Variants in VGLL4 observed in about 807,000 individuals in gnomAD.
VGLL4 encodes the protein transcription cofactor vestigial-like protein 4.
In VGLL4, 7 loss-of-function variants were observed where a neutral mutation model predicts 21.0. The observed-to-expected ratio is 0.33, with a 90% confidence interval of 0.19 to 0.63. VGLL4 has a LOEUF of 0.63. Among genes scored for constraint, VGLL4 ranks in the 20% least tolerant of loss-of-function variants. The pLI is 0.78. For synonymous variants in VGLL4, 222 were observed against 173.2 expected (o/e 1.28, Z -2.21); for missense variants, 394 against 425.7 (o/e 0.93, Z 0.66).
intron 2 of VGLL4, among the ~76,000 whole-genome samples, chr3:11,677,665 G>C (rs1006291431): frequency 3.9e-5 from 6 of 152,050 alleles, no homozygotes; most frequent in African/African-American, 1.4e-4. Context: ...GTTAGGCCAG[G>C]CACAGTGGCT....
intron 2 of VGLL4, chr3:11,582,360 C>G (rs1333758200): frequency 6.4e-7 from 1 of 1,574,778 alleles, no homozygotes; most frequent in Non-Finnish European, 8.6e-7. Flanking sequence ...GCCTCACAAA[C>G]TTGGCAAGCA....
intron 2 of VGLL4, among the ~76,000 whole-genome samples, chr3:11,683,171 G>A (rs954087544): frequency 6.6e-6 from 1 of 151,674 alleles, no homozygotes; most frequent in Non-Finnish European, 1.5e-5. Context: ...AGGTTGCAGT[G>A]AGCCGAGATC....
chr3:11,627,022 A>ACTAGT (rs2075363166), intron 1 of VGLL4, among the ~76,000 whole-genome samples: 3 of 152,110 alleles, frequency 2.0e-5, no homozygotes, highest in African/African-American at 7.2e-5. Context: ...TTATCACTTA[A>ACTAGT]ATGTAGTCAT....
chr3:11,567,309 C>G (rs1400401458), intron 2 of VGLL4, among the ~76,000 whole-genome samples: 2 of 152,172 alleles, frequency 1.3e-5, no homozygotes, highest in Non-Finnish European at 2.9e-5. Flanking sequence ...CAAGAGAACC[C>G]TGTCAGCCCT....
chr3:11,680,861 A>C (rs1406132257), intron 2 of VGLL4, among the ~76,000 whole-genome samples: 1 of 152,176 alleles, frequency 6.6e-6, no homozygotes, highest in African/African-American at 2.4e-5. Flanking sequence ...TTAGTATGGC[A>C]CCTGGTGTGG....
chr3:11,601,061 G>A (rs568438286), intron 2 of VGLL4, among the ~76,000 whole-genome samples: 2 of 152,316 alleles, frequency 1.3e-5, no homozygotes, highest in Admixed American at 6.5e-5. Context: ...CGAGGAGGGT[G>A]TGTGCCGAGA....
intron 1 of VGLL4, among the ~76,000 whole-genome samples, chr3:11,638,932 T>C (rs1247509038): frequency 2.0e-5 from 3 of 152,188 alleles, no homozygotes; most frequent in Non-Finnish European, 2.9e-5. Context: ...AAGTTGCCCG[T>C]GATGAAACAA....
chr3:11,680,164 C>T (rs1373820225), intron 2 of VGLL4, among the ~76,000 whole-genome samples: 1 of 152,228 alleles, frequency 6.6e-6, no homozygotes, highest in Non-Finnish European at 1.5e-5. Flanking sequence ...TGATCCCACA[C>T]AGCCTAGGTG....
At chr3:11,573,398 A>G (rs2073936257) in intron 2 of VGLL4, among the ~76,000 whole-genome samples, 1 of 150,618 alleles carries the variant, frequency 6.6e-6, no homozygotes, top group Non-Finnish European at 1.5e-5. Context: ...AAAGAAAGAA[A>G]ATGGCCCCAT....
At chr3:11,649,301 A>G (rs2075835689) in intron 2 of VGLL4, among the ~76,000 whole-genome samples, 1 of 152,148 alleles carries the variant, frequency 6.6e-6, no homozygotes, top group South Asian at 2.1e-4. Context: ...TTATTCACCA[A>G]CTGTGCTAAT....
At chr3:11,562,167 G>A (rs1200401366) in intron 3 of VGLL4, among the ~76,000 whole-genome samples, 1 of 152,130 alleles carries the variant, frequency 6.6e-6, no homozygotes, top group Non-Finnish European at 1.5e-5. Flanking sequence ...AAAGGGCTGG[G>A]ATTACAGGTG....
At chr3:11,618,260 G>A (rs920868137) in intron 1 of VGLL4, among the ~76,000 whole-genome samples, 3 of 152,080 alleles carry the variant, frequency 2.0e-5, no homozygotes, top group Non-Finnish European at 4.4e-5. Flanking sequence ...ATTCTGGAGT[G>A]CTTTTACAGA....
At chr3:11,611,562 G>C (rs931866938) in intron 1 of VGLL4, 3 of 152,222 alleles carry the variant, frequency 2.0e-5, no homozygotes, top group Non-Finnish European at 4.4e-5. Context: ...AAGAAGAGAG[G>C]ACGGGACTGA....
intron 2 of VGLL4, among the ~76,000 whole-genome samples, chr3:11,690,335 C>T (rs1357938029): frequency 6.6e-6 from 1 of 152,096 alleles, no homozygotes; most frequent in Non-Finnish European, 1.5e-5. Flanking sequence ...AAAATATTTA[C>T]CTTTTGTTAT....
At chr3:11,590,639 CTG>C (rs1301941744) in intron 2 of VGLL4, among the ~76,000 whole-genome samples, 1 of 151,056 alleles carries the variant, frequency 6.6e-6, no homozygotes, top group African/African-American at 2.4e-5. Context: ...TGGAGACAAT[CTG>C]TGAAGAAATT....
At chr3:11,676,148 G>A (rs979607289) in intron 2 of VGLL4, among the ~76,000 whole-genome samples, 1 of 152,150 alleles carries the variant, frequency 6.6e-6, no homozygotes, top group African/African-American at 2.4e-5. Context: ...AGCACTTTGG[G>A]AGGCTGAGGC....
rs1272470200 is a variant in VGLL4, at chr3:11,568,149, C to T, written c.273-3130G>A. On this transcript the variant is annotated intron_variant, in intron 2 of 4. Transcript: ENST00000430365. This position sits in a 1 kb window ranked among gnomAD's most constrained non-coding sequence, Gnocchi z 5.9. Reference sequence around the variant, plus strand: ...TGGATCCGGGCAAGGATAAAGACACCCCCGGGTGGCATGGAGGAGCAGACT... The same window carrying T: ...TGGATCCGGGCAAGGATAAAGACACTCCCGGGTGGCATGGAGGAGCAGACT... Among the ~76,000 whole-genome samples, 1 of 152,192 alleles carries T rather than the reference C, an allele frequency of 6.6e-6. No individual in the cohort carries two copies. Among genetic ancestry groups the T allele is most frequent in the African/African-American group, 2.4e-5 (1 of 41,432 alleles).
At chr3:11,647,143 C>T (rs992226365), upstream of VGLL4, among the ~76,000 whole-genome samples, 7 of 152,192 alleles carry the variant, frequency 4.6e-5, no homozygotes, top group African/African-American at 9.7e-5. Flanking sequence ...TACAACAGCC[C>T]GCCTCTGCAG....
At chr3:11,709,875 T>C (rs1325778393) in intron 1 of VGLL4, among the ~76,000 whole-genome samples, 1 of 152,158 alleles carries the variant, frequency 6.6e-6, no homozygotes, top group Non-Finnish European at 1.5e-5. Context: ...CCATTTTGTG[T>C]CACTATAAAG....
Sources: gnomAD v4.1 joint callset for allele counts (sites outside exome capture counted in the v4.1 genomes callset) on GRCh38, gnomAD v4.1.1 for gene constraint, Gnocchi (gnomAD v3.1) non-coding constraint, MANE v1.5 for transcripts, NCBI Gene and HGNC (gene_info 2026-07-23, HGNC 2026-07-21) for gene names.